MPRIP: variants seen among roughly 807,000 people sequenced by gnomAD.
MPRIP encodes the protein myosin phosphatase Rho-interacting protein.
MPRIP carries 59 observed loss-of-function variants against 234.9 expected under a neutral mutation model. That is an observed-to-expected ratio of 0.25 (90% CI 0.20 to 0.31). MPRIP has a LOEUF of 0.31. MPRIP is among the 10% of genes least tolerant of loss of function. MPRIP has a pLI of 1.00. For missense variants in MPRIP, 2,436 were observed against 3,071.0 expected (o/e 0.79, Z 4.89); for synonymous variants, 1,144 against 1,263.9 (o/e 0.91, Z 2.01).
rs752241351 is a variant in MPRIP at position 17,158,741 on chromosome 17, C to A, written c.2139C>A (p.Arg713=). 8.1e-6 allele frequency: 13 copies of A among 1,611,080 alleles called. No individual in the cohort carries two copies. The African/African-American group carries it at 1.3e-4, about 17-fold the overall frequency. ...GGAGGCGGGAGGAGCGCCGCAAGCGCTTCGGGATGCTCGACGCCACAGACG... is the reference window on the plus strand; with the variant it reads ...GGAGGCGGGAGGAGCGCCGCAAGCGATTCGGGATGCTCGACGCCACAGACG... ...RARRREERRK[R]FGMLDATDGP... is the part of the protein sequence containing the mutation. Residue 713 remains arginine, a synonymous_variant, in exon 14 of 24, where the codon CGC becomes CGA. Transcript: ENST00000651222.
At chr17:17,114,678 T>C (rs890335971) in intron 3 of MPRIP, among the ~76,000 whole-genome samples, 8 of 150,384 alleles carry the variant, frequency 5.3e-5, no homozygotes, top group African/African-American at 2.0e-4. Flanking sequence ...CCAGTTCCCA[T>C]GCCTCTCCTA....
chr17:17,063,226 C>G (rs1030307767), intron 1 of MPRIP, among the ~76,000 whole-genome samples: 1 of 152,186 alleles, frequency 6.6e-6, no homozygotes, highest in Non-Finnish European at 1.5e-5. Flanking sequence ...GAGCAGTTAC[C>G]TTTTCAGCTG....
chr17:17,092,000 G>A (rs768095067), intron 3 of MPRIP, among the ~76,000 whole-genome samples: 7 of 152,242 alleles, frequency 4.6e-5, no homozygotes, highest in Non-Finnish European at 1.0e-4. Context: ...TGATGCTATG[G>A]CGACCCACAC....
Position 17,190,321 on chromosome 17 carries a change from G to A in MPRIP, c.*5427G>A, listed in dbSNP as rs894159899. ...CCGTTCTTCCTTGCACAGCAGCTAC[G>A]GCAGGTTGTTCTGCAGCCACCCCTT... On this transcript the variant is annotated 3_prime_UTR_variant, in exon 24 of 24. Transcript: ENST00000651222. 1 of 152,220 alleles carries A rather than the reference G, an allele frequency of 6.6e-6. No individual in the cohort carries two copies. Among genetic ancestry groups the A allele is most frequent in the Non-Finnish European group, 1.5e-5 (1 of 68,054 alleles). 9.4% of individuals were successfully genotyped at this position (152,220 alleles called of 1,614,324 possible). A position where few individuals can be genotyped will look rare whatever the true frequency, so the allele number is the denominator to read the frequency against.
In MPRIP at chr17:17,167,981, C is replaced by T. The variant is rs1162681110; in HGVS notation, c.6324+66C>T. Reference sequence around the variant, plus strand: ...GATAATGGGGTGGGTGTGGGGACGTCTGGCTCAGCTACCGTGCAGGCAGAA... The same window carrying T: ...GATAATGGGGTGGGTGTGGGGACGTTTGGCTCAGCTACCGTGCAGGCAGAA... On this transcript the variant is annotated intron_variant, in intron 16 of 23. Transcript: ENST00000651222. The surrounding 1 kb of genome is among the most constrained non-coding windows in gnomAD (Gnocchi z 5.9). 3.4e-6 allele frequency: 4 copies of T among 1,187,552 alleles called. No homozygotes were observed. In the East Asian group the frequency reaches 2.3e-4, roughly 68 times the overall value. 73.6% of individuals were successfully genotyped at this position (1,187,552 alleles called of 1,614,324 possible). A position where few individuals can be genotyped will look rare whatever the true frequency, so the allele number is the denominator to read the frequency against.
chr17:17,174,792 C>T (rs1294856339), intron 19 of MPRIP, among the ~76,000 whole-genome samples: 3 of 141,466 alleles, frequency 2.1e-5, no homozygotes, highest in Admixed American at 6.8e-5. Flanking sequence ...GAGCGAGACT[C>T]CGTCTAAAAA....
chr17:17,047,279 A>G (rs2088383474), intron 1 of MPRIP, among the ~76,000 whole-genome samples: 1 of 152,250 alleles, frequency 6.6e-6, no homozygotes, highest in Admixed American at 6.5e-5. Flanking sequence ...CTGACCCTGA[A>G]CTAGATATTA....
intron 3 of MPRIP, among the ~76,000 whole-genome samples, chr17:17,080,878 G>A (rs974162208): frequency 6.6e-6 from 1 of 152,202 alleles, no homozygotes; most frequent in African/African-American, 2.4e-5. Context: ...AGAATGGGGT[G>A]GGCCTGTTTC....
intron 1 of MPRIP, among the ~76,000 whole-genome samples, chr17:17,053,705 A>G (rs2088610317): frequency 6.6e-6 from 1 of 152,196 alleles, no homozygotes. Context: ...TTTGTGGGCA[A>G]GCTGGCCCTC....
intron 1 of MPRIP, among the ~76,000 whole-genome samples, chr17:17,075,206 C>T (rs1420793398): frequency 6.6e-6 from 1 of 152,254 alleles, no homozygotes; most frequent in African/African-American, 2.4e-5. Flanking sequence ...AGTTTGAACT[C>T]AAAGAGTTTC....
At chr17:17,158,266 A>G (rs1456523491) in intron 13 of MPRIP, among the ~76,000 whole-genome samples, 166 bp from the exon 14 acceptor site, 1 of 152,118 alleles carries the variant, frequency 6.6e-6, no homozygotes, top group Non-Finnish European at 1.5e-5. Flanking sequence ...TGTGGGGTAA[A>G]GGCAGAGTAT....
intron 3 of MPRIP, among the ~76,000 whole-genome samples, chr17:17,095,126 G>C (rs775759074): frequency 6.6e-6 from 1 of 151,944 alleles, no homozygotes; most frequent in Non-Finnish European, 1.5e-5. Context: ...TTTGTTTTCC[G>C]TGTGTCCTCT....
chr17:17,106,190 G>A (rs1025424289), intron 3 of MPRIP, among the ~76,000 whole-genome samples: 2 of 152,192 alleles, frequency 1.3e-5, no homozygotes, highest in African/African-American at 2.4e-5. Context: ...CAGCCCTGCC[G>A]GCGTCCAACA....
chr17:17,171,485 T>C (rs2046133441), intron 16 of MPRIP: 1 of 514,664 alleles, frequency 1.9e-6, no homozygotes, highest in East Asian at 3.3e-5. Context: ...GTCACAGAAA[T>C]AAGAGGTAGA....
At chr17:17,103,917 C>T (rs2090013023) in intron 3 of MPRIP, among the ~76,000 whole-genome samples, 1 of 152,104 alleles carries the variant, frequency 6.6e-6, no homozygotes, top group African/African-American at 2.4e-5. Flanking sequence ...GAGATATCTC[C>T]TAGGATGGGA....
rs146019760 is a variant in MPRIP, at chr17:17,067,909, T to C, written c.124-7801T>C. On this transcript the variant is annotated intron_variant, in intron 1 of 23. Transcript: ENST00000651222. ...TTGGAGATTTCTTTTTTGTGAGTTA[T>C]GGAATTACATATTCAATTTCCTTAA... Among the ~76,000 whole-genome samples, 718 of 151,600 alleles carry C rather than the reference T, an allele frequency of 4.7e-3. 3 individuals carry two copies. The highest frequency in any genetic ancestry group is 0.016 in the African/African-American group (669 of 41,396).
intron 3 of MPRIP, chr17:17,096,995 C>G (rs935465704): frequency 3.0e-6 from 1 of 334,864 alleles, no homozygotes; most frequent in African/African-American, 2.2e-5. Context: ...GCCCGGCTAT[C>G]GTAGCCAGGC....
chr17:17,075,625 C>G, intron 1 of MPRIP, 85 bp from the exon 2 acceptor site: 1 of 1,158,408 alleles, frequency 8.6e-7, no homozygotes, highest in East Asian at 2.3e-5. Context: ...ACATCTGTTT[C>G]CAGCGAGTGC....
At chr17:17,069,312 A>G (rs2089135959) in intron 1 of MPRIP, among the ~76,000 whole-genome samples, 1 of 152,164 alleles carries the variant, frequency 6.6e-6, no homozygotes, top group Non-Finnish European at 1.5e-5. Flanking sequence ...CCTGCCTGTC[A>G]TCATTATATT....
Sources: allele counts gnomAD v4.1 joint callset (sites outside exome capture counted in the v4.1 genomes callset), GRCh38; gene constraint gnomAD v4.1.1; non-coding constraint Gnocchi (gnomAD v3.1); transcripts MANE v1.5; gene names NCBI Gene and HGNC (gene_info 2026-07-23, HGNC 2026-07-21).